ANKFN1: variants seen among roughly 807,000 people sequenced by gnomAD.
The protein encoded by ANKFN1 is ankyrin repeat and fibronectin type-III domain-containing protein 1.
In ANKFN1, 74 loss-of-function variants were observed where a neutral mutation model predicts 108.7. That is an observed-to-expected ratio of 0.68 (90% CI 0.56 to 0.83). ANKFN1 has a LOEUF of 0.83. Among genes scored for constraint, ANKFN1 ranks in the 40% least tolerant of loss-of-function variants. The probability of loss-of-function intolerance (pLI) is 0.00; values close to 1 mark genes in which losing one functional copy is unlikely to be tolerated. For missense variants in ANKFN1, 1,505 were observed against 1,382.3 expected (o/e 1.09, Z -1.41); for synonymous variants, 547 against 516.2 (o/e 1.06, Z -0.81).
At chr17:56,063,393 T>A (rs1396726167) in intron 4 of ANKFN1, among the ~76,000 whole-genome samples, 1 of 152,032 alleles carries the variant, frequency 6.6e-6, no homozygotes, top group African/African-American at 2.4e-5. Context: ...CAATCAATCA[T>A]AGGTTTGGTC....
rs1288296626 is a variant in ANKFN1, at chr17:56,510,605, A to G, written c.2777A>G (p.Gln926Arg). 3 of 1,536,190 alleles carry G rather than the reference A, an allele frequency of 2.0e-6. No homozygotes were observed. Among genetic ancestry groups the G allele is most frequent in the Non-Finnish European group, 2.6e-6 (3 of 1,146,908 alleles). Residue 926 changes from glutamine (Q) to arginine (R), a missense_variant, in exon 21 of 21, where the codon CAG becomes CGG. Gln to Arg is a conservative substitution (Grantham distance 43, BLOSUM62 1). Transcript: ENST00000682825. ...TACCTATCATCTCACGACATTGCGC[A>G]GCAGACCCTTAGCGGCCTAAGCGGC... is the stretch of plus-strand genomic sequence containing the variant. ...LVYLSSHDIA[Q>R]QTLSGLSGSA...
intron 2 of ANKFN1, among the ~76,000 whole-genome samples, chr17:56,218,346 C>T (rs1241842058): frequency 1.3e-5 from 2 of 152,088 alleles, no homozygotes; most frequent in Non-Finnish European, 2.9e-5. Context: ...CCATGCTGTA[C>T]AAATCCATTC....
intron 3 of ANKFN1, among the ~76,000 whole-genome samples, chr17:56,255,357 C>G (rs2043332940): frequency 6.6e-6 from 1 of 152,110 alleles, no homozygotes; most frequent in African/African-American, 2.4e-5. Flanking sequence ...GTCCCAACAC[C>G]TAGGAGTAGG....
intron 3 of ANKFN1, among the ~76,000 whole-genome samples, chr17:56,312,984 G>T (rs534514679): frequency 6.6e-6 from 1 of 151,848 alleles, no homozygotes; most frequent in South Asian, 2.1e-4. Context: ...ATGAAACCCC[G>T]TCTCTACTAA....
chr17:56,482,347 C>T lies in ANKFN1; in HGVS notation c.2092-9C>T. On this transcript the variant is annotated splice_polypyrimidine_tract_variant and intron_variant, in intron 17 of 20. Coordinates refer to ENST00000682825, the MANE Select transcript of ANKFN1 (RefSeq NM_001370326.1). ...CTCCTATTTTTCCTCCGCGCGTGTCCCTCTGCAGGCAAGGAACTTCCGCCT... is the reference window on the plus strand; with the variant it reads ...CTCCTATTTTTCCTCCGCGCGTGTCTCTCTGCAGGCAAGGAACTTCCGCCT... 2.5e-6 allele frequency: 4 copies of T among 1,588,378 alleles called. No homozygotes were observed. Among genetic ancestry groups the T allele is most frequent in the East Asian group, 2.3e-5 (1 of 44,038 alleles).
chr17:56,067,643 G>A (rs1034119051), intron 4 of ANKFN1, among the ~76,000 whole-genome samples: 1 of 152,184 alleles, frequency 6.6e-6, no homozygotes, highest in African/African-American at 2.4e-5. Flanking sequence ...CAAGAGGAAT[G>A]TTACCTTTTC....
At chr17:56,197,727 C>A (rs1913651643) in intron 1 of ANKFN1, among the ~76,000 whole-genome samples, 1 of 152,242 alleles carries the variant, frequency 6.6e-6, no homozygotes, top group African/African-American at 2.4e-5. Context: ...GGATTTATAT[C>A]CTTCAAAGAC....
intron 4 of ANKFN1, among the ~76,000 whole-genome samples, chr17:56,066,910 G>T: frequency 6.6e-6 from 1 of 152,144 alleles, no homozygotes; most frequent in East Asian, 1.9e-4. Context: ...TCCTTCCTAG[G>T]CCAGGTGTGG....
At chr17:56,306,641 G>T (rs2044836118) in intron 3 of ANKFN1, among the ~76,000 whole-genome samples, 1 of 152,114 alleles carries the variant, frequency 6.6e-6, no homozygotes, top group African/African-American at 2.4e-5. Context: ...TCGTGAAAAT[G>T]GCCATACTGC....
rs1362750534 is a variant in ANKFN1 at position 56,073,023 on chromosome 17, C to T, written c.288+26698C>T. ...CTTTTTTTTTTTTGAGACGGAGTCT[C>T]GCTCTGTCGCCCAGGCTGGAGTGCA... On this transcript the variant is annotated intron_variant, in intron 4 of 12. Coordinates refer to the ANKFN1 transcript ENST00000635860. Among the ~76,000 whole-genome samples the T allele has an allele frequency of 4.0e-5, 6 of 151,242 alleles. No individual in the cohort carries two copies. The East Asian group carries it at 7.7e-4, about 20-fold the overall frequency.
intron 5 of ANKFN1, among the ~76,000 whole-genome samples, chr17:56,352,843 G>A (rs2046280014): frequency 6.6e-6 from 1 of 152,164 alleles, no homozygotes; most frequent in African/African-American, 2.4e-5. Context: ...ATTTTAGGAA[G>A]ATTATTCTTG....
chr17:56,130,566 A>G (rs2143341944), intron 4 of ANKFN1, among the ~76,000 whole-genome samples: 1 of 152,088 alleles, frequency 6.6e-6, no homozygotes, highest in African/African-American at 2.4e-5. Flanking sequence ...ATCAGCAGTG[A>G]TGAATGCTAA....
chr17:56,236,647 T>C (rs1156786823), intron 3 of ANKFN1, among the ~76,000 whole-genome samples: 2 of 152,188 alleles, frequency 1.3e-5, no homozygotes, highest in Non-Finnish European at 2.9e-5. Context: ...CAAGGGTAGT[T>C]TGACTTCCTC....
chr17:56,312,212 T>C (rs2045050975), intron 3 of ANKFN1, among the ~76,000 whole-genome samples: 1 of 152,132 alleles, frequency 6.6e-6, no homozygotes, highest in Non-Finnish European at 1.5e-5. Context: ...TTCTGCCCAC[T>C]CCCACCTTGG....
At chr17:56,276,971 T>C (rs2043951490) in intron 3 of ANKFN1, among the ~76,000 whole-genome samples, 1 of 152,172 alleles carries the variant, frequency 6.6e-6, no homozygotes, top group Non-Finnish European at 1.5e-5. Context: ...TTGAGGTTTG[T>C]TTAAGGGAAA....
intron 4 of ANKFN1, among the ~76,000 whole-genome samples, chr17:56,098,861 G>A (rs115840883): frequency 2.6e-4 from 25 of 97,780 alleles, no homozygotes; most frequent in Admixed American, 1.2e-3. Context: ...GTGTGTGTGC[G>A]TGTGTGCATG....
intron 1 of ANKFN1, among the ~76,000 whole-genome samples, chr17:56,197,075 A>G (rs1260257079): frequency 5.9e-5 from 9 of 152,230 alleles, no homozygotes; most frequent in Non-Finnish European, 1.2e-4. Flanking sequence ...CAGGAAAACC[A>G]TTTAAACATG....
rs2051807985 is a variant in ANKFN1, at chr17:56,512,593, TG to T, written c.*1326del. Among the ~76,000 whole-genome samples the T allele has an allele frequency of 6.6e-6, 1 of 152,244 alleles. No homozygotes were observed. The highest frequency in any genetic ancestry group is 1.5e-5 in the Non-Finnish European group (1 of 68,046). ...AAAAGGCACAAGTTTCCTCATCTCCTGGAGCCAAGACCCATTCACTTCACTG... is the reference window on the plus strand; with the variant it reads ...AAAAGGCACAAGTTTCCTCATCTCCTGAGCCAAGACCCATTCACTTCACTG... On this transcript the variant is annotated 3_prime_UTR_variant, in exon 21 of 21. Coordinates refer to ENST00000682825, the MANE Select transcript of ANKFN1 (RefSeq NM_001370326.1).
At chr17:56,078,202 G>T (rs976479916) in intron 4 of ANKFN1, among the ~76,000 whole-genome samples, 1 of 128,462 alleles carries the variant, frequency 7.8e-6, no homozygotes, top group Non-Finnish European at 1.6e-5. Context: ...TGAGAGTAAG[G>T]CACAGACCTG....
Sources: gnomAD v4.1 joint callset for allele counts (sites outside exome capture counted in the v4.1 genomes callset) on GRCh38, gnomAD v4.1.1 for gene constraint, MANE v1.5 for transcripts, NCBI Gene and HGNC (gene_info 2026-07-23, HGNC 2026-07-21) for gene names.